The following UNC13C variants were observed in gnomAD, a reference collection of about 807,000 sequenced individuals.
UNC13C encodes unc-13 homolog C.
Under a neutral mutation model 245.4 loss-of-function variants are expected in UNC13C, and 174 were observed. The ratio of observed to expected loss-of-function variants is 0.71; its 90% CI spans 0.63 to 0.80. UNC13C has a LOEUF of 0.80. Ranked by LOEUF, UNC13C falls within the 30% of genes least tolerant of loss-of-function variation. UNC13C has a pLI of 0.00. For synonymous variants in UNC13C, 992 were observed against 895.1 expected, an observed-to-expected ratio of 1.11 and a Z score of -1.93; for missense variants, 2,829 against 2,602.9, an observed-to-expected ratio of 1.09 and a Z score of -1.89.
At chr15:53,884,037 A>G in the UNC13C span, among the ~76,000 whole-genome samples, 522 of 152,244 alleles carry the variant, frequency 3.4e-3, 12 homozygotes, top group Non-Finnish European at 1.3e-3. Flanking sequence ...TCCTGGGGAA[A>G]TGATGCCGGT....
chr15:53,929,448 C>A, the UNC13C span, among the ~76,000 whole-genome samples: 1 of 151,922 alleles, frequency 6.6e-6, no homozygotes, highest in Non-Finnish European at 1.5e-5. Context: ...GTGTATTTAC[C>A]TCAGTAATGT....
the UNC13C span, among the ~76,000 whole-genome samples, chr15:53,863,196 A>G: frequency 6.6e-6 from 1 of 152,176 alleles, no homozygotes. Flanking sequence ...CCCAAGCAAG[A>G]CCAAAGCCTA....
At chr15:53,858,171 G>T in the UNC13C span, among the ~76,000 whole-genome samples, 3 of 151,900 alleles carry the variant, frequency 2.0e-5, no homozygotes, top group Non-Finnish European at 4.4e-5. Flanking sequence ...AGATAAGGTA[G>T]GCAACATATT....
chr15:54,258,090 C>T (rs1251392915), intron 8 of UNC13C, among the ~76,000 whole-genome samples: 3 of 152,064 alleles, frequency 2.0e-5, no homozygotes, highest in African/African-American at 7.2e-5. Context: ...CCTCTGAATG[C>T]TTTCAATGGA....
intron 13 of UNC13C, among the ~76,000 whole-genome samples, chr15:54,306,287 TC>T (rs1365434017): frequency 6.6e-6 from 1 of 151,962 alleles, no homozygotes; most frequent in East Asian, 1.9e-4. Flanking sequence ...ATTACAATTT[TC>T]CTGTTTGGAC....
intron 2 of UNC13C, among the ~76,000 whole-genome samples, chr15:54,118,793 A>G (rs1269554273): frequency 6.6e-6 from 1 of 150,674 alleles, no homozygotes; most frequent in African/African-American, 2.4e-5. Context: ...TATGGCCTTT[A>G]TTATTTTGAG....
At chr15:54,185,018 G>C (rs2033928012) in intron 4 of UNC13C, among the ~76,000 whole-genome samples, 1 of 152,206 alleles carries the variant, frequency 6.6e-6, no homozygotes, top group Non-Finnish European at 1.5e-5. Context: ...CTGATGGCCA[G>C]TGATGATGAG....
chr15:54,516,030 A>G (rs1894959691), intron 24 of UNC13C, among the ~76,000 whole-genome samples: 1 of 152,202 alleles, frequency 6.6e-6, no homozygotes, highest in African/African-American at 2.4e-5. Flanking sequence ...TCAGAGATGT[A>G]TATCTATGTC....
the UNC13C span, among the ~76,000 whole-genome samples, chr15:53,863,441 G>A: frequency 6.6e-6 from 1 of 152,138 alleles, no homozygotes. Flanking sequence ...GTCATAAACT[G>A]TTACATATCC....
intron 13 of UNC13C, among the ~76,000 whole-genome samples, chr15:54,303,686 C>G (rs901112237): frequency 6.6e-5 from 10 of 151,194 alleles, no homozygotes; most frequent in Admixed American, 4.0e-4. Flanking sequence ...AGGACACGCT[C>G]CCATGACATG....
At chr15:53,866,369 C>G in the UNC13C span, among the ~76,000 whole-genome samples, 1 of 152,116 alleles carries the variant, frequency 6.6e-6, no homozygotes, top group Non-Finnish European at 1.5e-5. Context: ...AAAATATTGT[C>G]TTCAGAGCTG....
intron 10 of UNC13C, among the ~76,000 whole-genome samples, chr15:54,272,382 AC>A (rs72382256): frequency 0.025 from 3,814 of 152,270 alleles, 151 homozygotes; most frequent in African/African-American, 0.087. Flanking sequence ...TTTTGATAGC[AC>A]AGCAGACTAA....
rs184862193 is a variant in UNC13C at position 54,384,404 on chromosome 15, G to T, written c.4714-8644G>T. Reference sequence around the variant, plus strand: ...AACATAGATTCCAGGAACATACACTGGGGAAAGCACACTCTCTTCATTAAA... The same window carrying T: ...AACATAGATTCCAGGAACATACACTTGGGAAAGCACACTCTCTTCATTAAA... On this transcript the variant is annotated intron_variant, in intron 17 of 32. Transcript: ENST00000260323. Among the ~76,000 whole-genome samples the T allele has an allele frequency of 4.3e-3, 660 of 152,124 alleles. 3 individuals carry two copies. Among genetic ancestry groups the T allele is most frequent in the African/African-American group, 0.015 (638 of 41,484 alleles).
At chr15:54,576,222 A>G (rs1011831208) in intron 30 of UNC13C, among the ~76,000 whole-genome samples, 4 of 152,200 alleles carry the variant, frequency 2.6e-5, no homozygotes, top group African/African-American at 9.6e-5. Flanking sequence ...AAAACTTGCT[A>G]AGGTAGTTGG....
chr15:54,441,780 T>G (rs1187674074), intron 19 of UNC13C, among the ~76,000 whole-genome samples: 2 of 152,098 alleles, frequency 1.3e-5, no homozygotes, highest in East Asian at 3.9e-4. Context: ...TTGATTTACG[T>G]GTATGATTGT....
Position 54,274,089 on chromosome 15 carries a change from T to C in UNC13C, c.3818+8593T>C, listed in dbSNP as rs538230769. ...TTTTGCCCCAGAGCTTTCATTACAA[T>C]TGGAGTGGAGATGATGCTGAGGCTA... is the stretch of plus-strand genomic sequence containing the variant. On this transcript the variant is annotated intron_variant, in intron 10 of 32. Coordinates refer to ENST00000260323, the MANE Select transcript of UNC13C (RefSeq NM_001080534.3). Among the ~76,000 whole-genome samples the C allele has an allele frequency of 5.3e-5, 8 of 152,184 alleles. No homozygotes were observed. In the South Asian group the frequency reaches 1.5e-3, roughly 28 times the overall value.
intron 19 of UNC13C, among the ~76,000 whole-genome samples, chr15:54,450,412 G>T (rs919590850): frequency 1.3e-5 from 2 of 152,200 alleles, no homozygotes; most frequent in Non-Finnish European, 2.9e-5. Flanking sequence ...GCTGTGGTGG[G>T]CTCCACCCAG....
intron 4 of UNC13C, among the ~76,000 whole-genome samples, chr15:54,174,275 A>T (rs1414027583): frequency 1.3e-5 from 2 of 152,106 alleles, no homozygotes; most frequent in Non-Finnish European, 2.9e-5. Context: ...TTTTCTCCTT[A>T]AGTGAGATTA....
At chr15:54,184,514 A>G (rs556702192) in intron 4 of UNC13C, among the ~76,000 whole-genome samples, 22 of 151,768 alleles carry the variant, frequency 1.4e-4, no homozygotes, top group Admixed American at 1.1e-3. Flanking sequence ...GAGAACATGC[A>G]GTGTTTGGTT....
Sources: allele counts gnomAD v4.1 joint callset (sites outside exome capture counted in the v4.1 genomes callset), GRCh38; gene constraint gnomAD v4.1.1; transcripts MANE v1.5; gene names NCBI Gene and HGNC (gene_info 2026-07-23, HGNC 2026-07-21).